SULT1E1: variants seen among roughly 807,000 people sequenced by gnomAD.
The protein encoded by SULT1E1 is sulfotransferase 1E1.
In SULT1E1, 36 loss-of-function variants were observed where a neutral mutation model predicts 33.6. The ratio of observed to expected loss-of-function variants is 1.07; its 90% confidence interval spans 0.82 to 1.41. The LOEUF is 1.41. Ranked by LOEUF, SULT1E1 falls within the 40% of genes most tolerant of loss-of-function variation. The pLI is 0.00. For synonymous variants in SULT1E1, 121 were observed against 111.7 expected (o/e 1.08, Z -0.53); for missense variants, 371 against 345.7 (o/e 1.07, Z -0.58).
intron 3 of SULT1E1, among the ~76,000 whole-genome samples, chr4:69,854,792 TCTAA>T (rs1350238833): frequency 1.3e-5 from 2 of 152,028 alleles, no homozygotes; most frequent in Non-Finnish European, 2.9e-5. Context: ...TTTGATAGCT[TCTAA>T]CTATCTTTTT....
chr4:69,826,641 C>A, the SULT1E1 span, among the ~76,000 whole-genome samples: 1 of 152,176 alleles, frequency 6.6e-6, no homozygotes, highest in South Asian at 2.1e-4. Context: ...GGCCCACAAA[C>A]CCTGAAAAAG....
chr4:69,828,928 G>A, the SULT1E1 span, among the ~76,000 whole-genome samples: 16,484 of 152,180 alleles, frequency 0.11, 1,046 homozygotes, highest in Middle Eastern at 0.18. Flanking sequence ...GTCACTGCTC[G>A]GTGAGGTGCA....
At chr4:69,847,422 G>A (rs1422265584) in intron 6 of SULT1E1, among the ~76,000 whole-genome samples, 1 of 151,398 alleles carries the variant, frequency 6.6e-6, no homozygotes, top group Non-Finnish European at 1.5e-5. Flanking sequence ...GTGTGCCTAT[G>A]TGTGTGTGTT....
intron 6 of SULT1E1, among the ~76,000 whole-genome samples, chr4:69,844,642 A>G (rs1009144316): frequency 2.0e-5 from 3 of 152,298 alleles, no homozygotes; most frequent in South Asian, 2.1e-4. Context: ...GAAAACAAAC[A>G]TCATACTCAA....
At chr4:69,843,213 C>T (rs888788147) in intron 7 of SULT1E1, among the ~76,000 whole-genome samples, 1 of 152,128 alleles carries the variant, frequency 6.6e-6, no homozygotes, top group Non-Finnish European at 1.5e-5. Context: ...CTGAAATAAC[C>T]CAAAAACCAG....
At chr4:69,846,608 C>T (rs1032560158) in intron 6 of SULT1E1, among the ~76,000 whole-genome samples, 3 of 151,526 alleles carry the variant, frequency 2.0e-5, no homozygotes, top group Non-Finnish European at 4.4e-5. Flanking sequence ...GTACACAAGT[C>T]AGAGTTTTTC....
At chr4:69,858,020 A>C (rs2109667813) in intron 1 of SULT1E1, among the ~76,000 whole-genome samples, 1 of 152,318 alleles carries the variant, frequency 6.6e-6, no homozygotes, top group East Asian at 1.9e-4. Context: ...GTCCAGAATT[A>C]CAGTTATTTT....
At chr4:69,826,115 C>T in the SULT1E1 span, among the ~76,000 whole-genome samples, 3 of 152,134 alleles carry the variant, frequency 2.0e-5, no homozygotes, top group African/African-American at 7.2e-5. Flanking sequence ...GCCTCAGAAA[C>T]TGTATTCTTC....
Position 69,857,586 on chromosome 4 carries a change from T to C in SULT1E1, c.59A>G (p.Tyr20Cys), listed in dbSNP as rs778407495. ...ATCCCAATATTTGACAAAATCTTTA[T>C]ACATTAGAATCCCATGGACTTCTTC... ...KFEEVHGILM[Y>C]KDFVKYWDNV... Residue 20 changes from tyrosine to cysteine, a missense_variant, in exon 2 of 8, where the codon TAT becomes TGT. Coordinates refer to ENST00000226444, the MANE Select transcript of SULT1E1 (RefSeq NM_005420.3). The C allele has an allele frequency of 4.3e-6, 7 of 1,613,262 alleles. No homozygotes were observed. In the East Asian group the frequency reaches 1.1e-4, roughly 26 times the overall value.
chr4:69,824,894 C>T, the SULT1E1 span, among the ~76,000 whole-genome samples: 1 of 152,144 alleles, frequency 6.6e-6, no homozygotes, highest in African/African-American at 2.4e-5. Flanking sequence ...CCCTTTCCAC[C>T]CTGTGGAATC....
intron 4 of SULT1E1, among the ~76,000 whole-genome samples, chr4:69,852,602 C>T (rs1160679089): frequency 6.6e-6 from 1 of 152,094 alleles, no homozygotes; most frequent in East Asian, 1.9e-4. Context: ...ACTTTCTTCT[C>T]TTTATCACTT....
rs200590298 is a variant in SULT1E1, at chr4:69,849,542, C to G, written c.391G>C (p.Ala131Pro). The G allele has an allele frequency of 6.3e-5, 102 of 1,606,888 alleles. No homozygotes were observed. The highest frequency in any genetic ancestry group is 8.5e-5 in the Admixed American group (5 of 58,790). The change falls in exon 5 of 8, where the codon GCA becomes CCA. Residue 131 changes from alanine to proline, a missense_variant. Transcript: ENST00000226444. The part of the protein sequence containing the change: ...DCKIIYLCRN[A>P]KDVAVSFYYF... ...TAAAAGGAAACAGCCACATCCTTTG[C>G]ATTCCGGCAAAGATAGATTATCTAA...
At chr4:69,836,663 G>A (rs1039701008), downstream of SULT1E1, among the ~76,000 whole-genome samples, 12 of 152,078 alleles carry the variant, frequency 7.9e-5, no homozygotes, top group Non-Finnish European at 1.6e-4. Context: ...CTTCTTGCTT[G>A]TTTTGCAGTC....
chr4:69,849,373 T>G (rs1457326442), intron 5 of SULT1E1, 64 bp downstream of exon 5: 11 of 1,569,714 alleles, frequency 7.0e-6, no homozygotes, highest in Non-Finnish European at 9.5e-6. Flanking sequence ...AAACTTTTAC[T>G]TGGAGATGGC....
chr4:69,827,402 C>T, the SULT1E1 span, among the ~76,000 whole-genome samples: 10 of 152,106 alleles, frequency 6.6e-5, no homozygotes, highest in East Asian at 1.9e-4. Context: ...GGACTGGAGT[C>T]GCAAACATCT....
At chr4:69,836,145 C>CT in the SULT1E1 span, among the ~76,000 whole-genome samples, 4 of 152,006 alleles carry the variant, frequency 2.6e-5, no homozygotes, top group African/African-American at 9.7e-5. Flanking sequence ...GAAGTTTATT[C>CT]TTTTTTCATT....
chr4:69,833,118 A>C, the SULT1E1 span, among the ~76,000 whole-genome samples: 1 of 151,956 alleles, frequency 6.6e-6, no homozygotes, highest in Non-Finnish European at 1.5e-5. Flanking sequence ...TATGTGCCTA[A>C]GTACAAATTA....
intron 6 of SULT1E1, among the ~76,000 whole-genome samples, chr4:69,844,729 T>C (rs372253362): frequency 3.3e-5 from 5 of 152,228 alleles, no homozygotes; most frequent in South Asian, 4.1e-4. Flanking sequence ...TCCTAATTTA[T>C]TGGTGTAATT....
At chr4:69,821,618 C>A in the SULT1E1 span, among the ~76,000 whole-genome samples, 6 of 152,180 alleles carry the variant, frequency 3.9e-5, no homozygotes, top group Admixed American at 3.3e-4. Flanking sequence ...TCATTCCATC[C>A]TGACAGATAC....
Sources: allele counts gnomAD v4.1 joint callset (sites outside exome capture counted in the v4.1 genomes callset), GRCh38; gene constraint gnomAD v4.1.1; transcripts MANE v1.5; gene names NCBI Gene and HGNC (gene_info 2026-07-23, HGNC 2026-07-21).